WWOX: variants seen among roughly 807,000 people sequenced by gnomAD.
WWOX encodes the protein WW domain containing oxidoreductase.
In WWOX, 69 loss-of-function variants were observed where a neutral mutation model predicts 46.2. The observed-to-expected ratio is 1.49, with a 90% CI of 1.23 to 1.82. The LOEUF is 1.82. Among genes scored for constraint, WWOX ranks in the 40% most tolerant of loss-of-function variants. The pLI, the probability that WWOX is intolerant of heterozygous loss-of-function variation, is 0.00. For missense variants in WWOX, 919 were observed against 542.6 expected (o/e 1.69, Z -6.89); for synonymous variants, 359 against 202.6 (o/e 1.77, Z -6.56).
intron 8 of WWOX, among the ~76,000 whole-genome samples, chr16:78,507,922 T>C (rs1249967418): frequency 1.3e-5 from 2 of 152,086 alleles, no homozygotes; most frequent in African/African-American, 4.8e-5. Context: ...TTGTAAACTT[T>C]CTTAGAACAT....
At chr16:78,663,060 G>A (rs891518161) in intron 8 of WWOX, among the ~76,000 whole-genome samples, 8 of 152,064 alleles carry the variant, frequency 5.3e-5, no homozygotes, top group African/African-American at 1.2e-4. Flanking sequence ...TTGGCTTATC[G>A]TATAGTCACA....
At chr16:78,714,422 A>G (rs903038765) in intron 8 of WWOX, among the ~76,000 whole-genome samples, 6 of 152,022 alleles carry the variant, frequency 3.9e-5, no homozygotes, top group Admixed American at 6.6e-5. Flanking sequence ...CGAGAACAGC[A>G]TGGGAAAGAC....
intron 7 of WWOX, among the ~76,000 whole-genome samples, chr16:78,430,097 C>T (rs760447467): frequency 3.3e-5 from 5 of 152,086 alleles, no homozygotes; most frequent in Admixed American, 2.6e-4. Flanking sequence ...GCTGGGGAGG[C>T]CTCACAATCA....
At chr16:78,873,804 G>T (rs935162093) in intron 8 of WWOX, among the ~76,000 whole-genome samples, 1 of 152,028 alleles carries the variant, frequency 6.6e-6, no homozygotes, top group Non-Finnish European at 1.5e-5. Context: ...AAATAAAATA[G>T]TAAAATAAAA....
At chr16:78,875,062 A>T (rs1252630491) in intron 8 of WWOX, among the ~76,000 whole-genome samples, 1 of 152,146 alleles carries the variant, frequency 6.6e-6, no homozygotes, top group Non-Finnish European at 1.5e-5. Flanking sequence ...TTGCAGCAGG[A>T]CAACTCAACA....
At chr16:78,317,272 T>C (rs1268964988) in intron 5 of WWOX, among the ~76,000 whole-genome samples, 1 of 152,192 alleles carries the variant, frequency 6.6e-6, no homozygotes, top group Non-Finnish European at 1.5e-5. Context: ...GAATTCTCTC[T>C]CTCTCTCTGT....
chr16:78,389,466 G>T (rs1259704081), intron 6 of WWOX, among the ~76,000 whole-genome samples: 2 of 152,148 alleles, frequency 1.3e-5, no homozygotes, highest in African/African-American at 4.8e-5. Context: ...GTGGTTGTTT[G>T]GGAGGGAATG....
At chr16:78,759,526 T>C (rs1157261044) in intron 8 of WWOX, among the ~76,000 whole-genome samples, 1 of 151,772 alleles carries the variant, frequency 6.6e-6, no homozygotes, top group African/African-American at 2.4e-5. Context: ...TGGGTGAGCC[T>C]GCCCATATCT....
chr16:78,899,553 A>C (rs1027823498), intron 8 of WWOX: 1 of 152,186 alleles, frequency 6.6e-6, no homozygotes. Context: ...CAGTGGGTTT[A>C]TATTTCAGCG....
rs552485178 is a variant in WWOX at position 78,927,861 on chromosome 16, A to C, written c.1057-283747A>C. Reference sequence around the variant, plus strand: ...TCTCTTACTGTTTATTTTTGTTTCTAACTGAAGTTCAATGAATTATTCTTT... The same window carrying C: ...TCTCTTACTGTTTATTTTTGTTTCTCACTGAAGTTCAATGAATTATTCTTT... On this transcript the variant is annotated intron_variant, in intron 8 of 8. Transcript: ENST00000566780. Among the ~76,000 whole-genome samples, 6 of 152,272 alleles carry C rather than the reference A, an allele frequency of 3.9e-5. No individual in the cohort carries two copies. The South Asian group carries it at 8.3e-4, about 21-fold the overall frequency.
chr16:78,710,702 C>A lies in WWOX; in HGVS notation c.1056+277950C>A, dbSNP rs555059923. Among the ~76,000 whole-genome samples, 8 of 151,208 alleles carry A rather than the reference C, an allele frequency of 5.3e-5. No homozygotes were observed. The East Asian group carries it at 1.4e-3, about 26-fold the overall frequency. ...TGATCATGGCTCACTGTAGCCTCAA[C>A]CTCCTGGGCTCAACTGATTCTCTCA... On this transcript the variant is annotated intron_variant, in intron 8 of 8. Coordinates refer to ENST00000566780, the MANE Select transcript of WWOX (RefSeq NM_016373.4).
intron 7 of WWOX, among the ~76,000 whole-genome samples, chr16:78,425,488 A>G (rs534348535): frequency 1.9e-4 from 29 of 152,366 alleles, no homozygotes; most frequent in African/African-American, 6.5e-4. Context: ...TTCGAGGCAG[A>G]CATTAGCTGT....
At chr16:78,380,611 G>A (rs190336425) in intron 5 of WWOX, among the ~76,000 whole-genome samples, 6 of 152,150 alleles carry the variant, frequency 3.9e-5, no homozygotes, top group African/African-American at 9.6e-5. Flanking sequence ...TGATGATCAC[G>A]ATGATAAAAC....
intron 8 of WWOX, among the ~76,000 whole-genome samples, chr16:78,488,539 G>A (rs1353894771): frequency 6.6e-6 from 1 of 152,168 alleles, no homozygotes; most frequent in Admixed American, 6.5e-5. Context: ...CACATGAGCA[G>A]ACTGACTGCT....
At chr16:79,154,242 G>A (rs777920601) in intron 8 of WWOX, among the ~76,000 whole-genome samples, 21 of 152,334 alleles carry the variant, frequency 1.4e-4, no homozygotes, top group Middle Eastern at 3.4e-3. Context: ...TTGTGTAAGT[G>A]TCCTCTGCCC....
At chr16:79,037,654 A>C (rs1307120889) in intron 8 of WWOX, among the ~76,000 whole-genome samples, 1 of 152,212 alleles carries the variant, frequency 6.6e-6, no homozygotes, top group East Asian at 1.9e-4. Context: ...AACCTCCTGC[A>C]ACCTTAGTTG....
chr16:78,660,297 A>G (rs546867229), intron 8 of WWOX, among the ~76,000 whole-genome samples: 1 of 152,324 alleles, frequency 6.6e-6, no homozygotes, highest in African/African-American at 2.4e-5. Flanking sequence ...GCACTTCCGT[A>G]CACTAAAGGT....
At chr16:78,293,625 G>T (rs1028401127) in intron 5 of WWOX, among the ~76,000 whole-genome samples, 12 of 151,976 alleles carry the variant, frequency 7.9e-5, no homozygotes, top group Non-Finnish European at 1.6e-4. Context: ...AGTCTGATCC[G>T]GTCAATTCTG....
chr16:78,624,961 C>G (rs1429026888), intron 8 of WWOX, among the ~76,000 whole-genome samples: 3 of 152,044 alleles, frequency 2.0e-5, no homozygotes, highest in South Asian at 2.1e-4. Flanking sequence ...CATCATGGCC[C>G]CCTTCATATC....
Sources: allele counts gnomAD v4.1 joint callset (sites outside exome capture counted in the v4.1 genomes callset), GRCh38; gene constraint gnomAD v4.1.1; transcripts MANE v1.5; gene names NCBI Gene and HGNC (gene_info 2026-07-23, HGNC 2026-07-21).